Variants in PPP2R1B observed in about 807,000 individuals in gnomAD.
PPP2R1B encodes the protein protein phosphatase 2 scaffold subunit Abeta, also known as serine/threonine-protein phosphatase 2A 65 kDa regulatory subunit A beta isoform.
Under a neutral mutation model 72.7 loss-of-function variants are expected in PPP2R1B, and 58 were observed. The ratio of observed to expected loss-of-function variants is 0.80; its 90% CI spans 0.65 to 0.99. The LOEUF (loss-of-function observed/expected upper bound fraction) is 0.99. Ranked by LOEUF, PPP2R1B falls within the 50% of genes least tolerant of loss-of-function variation. The pLI, the probability that PPP2R1B is intolerant of heterozygous loss-of-function variation, is 0.00. For synonymous variants in PPP2R1B, 256 were observed against 264.6 expected (o/e 0.97, Z 0.32); for missense variants, 695 against 733.6 (o/e 0.95, Z 0.61).
chr11:111,752,383 C>A (rs782276837), intron 9 of PPP2R1B, 51 bp from the exon 10 acceptor site: 2 of 1,509,210 alleles, frequency 1.3e-6, no homozygotes, highest in Non-Finnish European at 8.9e-7. Flanking sequence ...AAGTACTCTG[C>A]CCAACAGTCT....
At chr11:111,692,383 A>G in the PPP2R1B span, among the ~76,000 whole-genome samples, 1 of 134,842 alleles carries the variant, frequency 7.4e-6, no homozygotes, top group Non-Finnish European at 1.6e-5. Context: ...AAAAAAAAAA[A>G]AAAAACACAA....
Position 111,739,756 on chromosome 11 carries a change from AAAAAT to A in PPP2R1B, c.*1835_*1839del. ...AGAAGAACATAACTTGCAGGTAACA[AAAAAT>A]AAAGACTCATGAAACTAAAATTAAA... On this transcript the variant is annotated 3_prime_UTR_variant, in exon 15 of 15. Coordinates refer to ENST00000527614, the MANE Select transcript of PPP2R1B (RefSeq NM_002716.5). 1.0e-6 allele frequency: 1 copy of A among 978,024 alleles called. No homozygotes were observed. Among genetic ancestry groups the A allele is most frequent in the Non-Finnish European group, 1.2e-6 (1 of 823,136 alleles). The allele number at this position is 978,024 out of a possible 1,614,324, so 60.6% of individuals were successfully genotyped here. A position where few individuals can be genotyped will look rare whatever the true frequency, so the allele number is the denominator to read the frequency against.
At chr11:111,705,079 G>A in the PPP2R1B span, 2 of 1,606,814 alleles carry the variant, frequency 1.2e-6, no homozygotes, top group African/African-American at 1.3e-5. This position sits in a 1 kb window ranked among gnomAD's most constrained non-coding sequence, Gnocchi z 4.3. Context: ...TCCCAGTGGA[G>A]CAGAGACTTG....
exon 16 of PPP2R1B, chr11:111,726,958 TG>T: frequency 6.2e-7 from 1 of 1,612,756 alleles, no homozygotes; most frequent in South Asian, 1.1e-5. Context: ...TTTTTAAATC[TG>T]GGGTATTAGT....
In PPP2R1B at chr11:111,750,964, G is replaced by A. The variant is rs188607636; in HGVS notation, c.1338+1195C>T. On this transcript the variant is annotated intron_variant, in intron 10 of 14. Coordinates refer to ENST00000527614, the MANE Select transcript of PPP2R1B (RefSeq NM_002716.5). ...AGCGATTCTCCTGCCTCAGCCTCCC[G>A]AGTAGCTGGTATTACAGGTGTGCAC... Among the ~76,000 whole-genome samples, 1,004 of 151,974 alleles carry A rather than the reference G, an allele frequency of 6.6e-3. 9 individuals are homozygous for A. The highest frequency in any genetic ancestry group is 0.054 in the Middle Eastern group (16 of 294).
At chr11:111,692,245 G>A in the PPP2R1B span, among the ~76,000 whole-genome samples, 5 of 149,828 alleles carry the variant, frequency 3.3e-5, no homozygotes, top group African/African-American at 7.3e-5. Context: ...CAGCTACTCC[G>A]GAGGCTGAGG....
At chr11:111,714,949 A>G in the PPP2R1B span, among the ~76,000 whole-genome samples, 1 of 152,216 alleles carries the variant, frequency 6.6e-6, no homozygotes, top group Non-Finnish European at 1.5e-5. Context: ...ATTAAAATGC[A>G]GTTGACTAAA....
chr11:111,723,845 C>A (rs751303031), downstream of PPP2R1B: 2 of 1,613,612 alleles, frequency 1.2e-6, no homozygotes, highest in East Asian at 4.5e-5. Flanking sequence ...TCCACCACCA[C>A]GACAGCCAGG....
intron 3 of PPP2R1B, among the ~76,000 whole-genome samples, chr11:111,763,890 A>G (rs1945423118): frequency 6.6e-6 from 1 of 151,908 alleles, no homozygotes; most frequent in Non-Finnish European, 1.5e-5. Context: ...ATTCATACTT[A>G]TCTATTAATC....
chr11:111,694,200 A>T, the PPP2R1B span, among the ~76,000 whole-genome samples: 3 of 152,166 alleles, frequency 2.0e-5, no homozygotes, highest in African/African-American at 7.2e-5. Context: ...AAGCCTTAAA[A>T]TTTTAATAGC....
At chr11:111,727,338 A>G (rs748575378) in intron 15 of PPP2R1B, 1 of 471,024 alleles carries the variant, frequency 2.1e-6, no homozygotes. Flanking sequence ...GCCTCCTAGG[A>G]AAGAAAAAGT....
intron 5 of PPP2R1B, among the ~76,000 whole-genome samples, chr11:111,758,590 A>AAAAAG (rs566275838): frequency 3.7e-4 from 57 of 152,280 alleles, no homozygotes; most frequent in South Asian, 2.3e-3. Context: ...CTCCTTTTAA[A>AAAAAG]AAAAGAAAAG....
rs34083618 is a variant in PPP2R1B, at chr11:111,764,832, T to TCC, written c.277_278dup (p.Gly94GlufsTer32). ...GCAGACAGTGGGCAAAGTCAGGACC[T>TCC]CCCACTAGGCCAGTGAAATTTCCCA... is the stretch of plus-strand genomic sequence containing the variant. On this transcript the variant is annotated frameshift_variant, in exon 3 of 15. Transcript: ENST00000527614. LOFTEE classifies it high-confidence loss of function. 1.5e-5 allele frequency: 24 copies of TCC among 1,613,974 alleles called. No individual in the cohort carries two copies. The Admixed American group carries it at 4.0e-4, about 27-fold the overall frequency.
the PPP2R1B span, chr11:111,718,732 A>G: frequency 2.6e-5 from 4 of 152,210 alleles, no homozygotes; most frequent in Non-Finnish European, 5.9e-5. Context: ...CTTCCAAAGG[A>G]AACAGTAGCT....
the PPP2R1B span, among the ~76,000 whole-genome samples, chr11:111,697,715 A>G: frequency 1.3e-5 from 2 of 152,222 alleles, no homozygotes. Context: ...TGTTTGGCAG[A>G]GGGCAGTGGC....
chr11:111,733,350 G>C (rs1188142013), downstream of PPP2R1B, among the ~76,000 whole-genome samples: 2 of 152,136 alleles, frequency 1.3e-5, no homozygotes, highest in Non-Finnish European at 1.5e-5. Flanking sequence ...ACAGGAGGGA[G>C]CCACAGCATG....
downstream of PPP2R1B, among the ~76,000 whole-genome samples, chr11:111,733,994 C>T (rs1021796688): frequency 6.6e-5 from 10 of 152,118 alleles, no homozygotes; most frequent in Admixed American, 5.9e-4. Context: ...CGGCCCCTGG[C>T]GCCCTCTCAG....
chr11:111,694,568 G>C, the PPP2R1B span, among the ~76,000 whole-genome samples: 3 of 152,066 alleles, frequency 2.0e-5, no homozygotes, highest in Non-Finnish European at 4.4e-5. Flanking sequence ...AAGGGTAGGA[G>C]AGGCAAAGAT....
At chr11:111,689,544 A>G in the PPP2R1B span, among the ~76,000 whole-genome samples, 1 of 152,034 alleles carries the variant, frequency 6.6e-6, no homozygotes, top group Non-Finnish European at 1.5e-5. Context: ...GTGTGGGTTA[A>G]AAGCTTAGCA....
Sources: gnomAD v4.1 joint callset for allele counts (sites outside exome capture counted in the v4.1 genomes callset) on GRCh38, gnomAD v4.1.1 for gene constraint, Gnocchi (gnomAD v3.1) non-coding constraint, MANE v1.5 for transcripts, NCBI Gene and HGNC (gene_info 2026-07-23, HGNC 2026-07-21) for gene names.